Variants in FYB1 observed in about 807,000 individuals in gnomAD.
FYB1 encodes the protein FYN binding protein 1.
FYB1 carries 41 observed loss-of-function variants against 94.1 expected under a neutral mutation model. That is an observed-to-expected ratio of 0.44 (90% CI 0.34 to 0.57). The LOEUF (loss-of-function observed/expected upper bound fraction) is 0.57. Ranked by LOEUF, FYB1 falls within the 20% of genes least tolerant of loss-of-function variation. The probability of loss-of-function intolerance (pLI) is 0.02; values close to 1 mark genes in which losing one functional copy is unlikely to be tolerated. For missense variants in FYB1, 1,050 were observed against 976.8 expected (o/e 1.07, Z -1.00); for synonymous variants, 367 against 353.2 (o/e 1.04, Z -0.44).
chr5:39,219,392 A>T (rs1291200850), intron 1 of FYB1, 51 bp downstream of exon 1: 3 of 978,678 alleles, frequency 3.1e-6, no homozygotes, highest in Non-Finnish European at 2.4e-6. Context: ...TTTTCCTGCT[A>T]TAAAAAATTA....
intron 1 of FYB1, among the ~76,000 whole-genome samples, chr5:39,226,860 C>T (rs1354712219): frequency 2.6e-5 from 4 of 152,180 alleles, no homozygotes; most frequent in African/African-American, 9.7e-5. Context: ...GAGTTTAGTG[C>T]AGCATCAGGT....
At chr5:39,252,354 T>A (rs976939134) in intron 1 of FYB1, among the ~76,000 whole-genome samples, 1 of 152,192 alleles carries the variant, frequency 6.6e-6, no homozygotes, top group Non-Finnish European at 1.5e-5. Flanking sequence ...ATGATAATTA[T>A]GCAAAATGCA....
intron 2 of FYB1, among the ~76,000 whole-genome samples, chr5:39,192,401 T>C (rs549795890): frequency 6.6e-6 from 1 of 152,346 alleles, no homozygotes; most frequent in South Asian, 2.1e-4. Flanking sequence ...TATTTGAGGG[T>C]AATGTATTTC....
At chr5:39,258,977 C>T (rs1472292426) in intron 1 of FYB1, among the ~76,000 whole-genome samples, 1 of 152,040 alleles carries the variant, frequency 6.6e-6, no homozygotes, top group Non-Finnish European at 1.5e-5. Context: ...CATGCTTTTC[C>T]CTCCTCAGCA....
intron 16 of FYB1, among the ~76,000 whole-genome samples, chr5:39,118,415 G>T (rs907250798): frequency 1.3e-5 from 2 of 152,078 alleles, no homozygotes; most frequent in African/African-American, 4.8e-5. Context: ...TTAAAAGCAG[G>T]CCAGAGCAAG....
chr5:39,252,061 C>T (rs1751735414), intron 1 of FYB1, among the ~76,000 whole-genome samples: 1 of 152,046 alleles, frequency 6.6e-6, no homozygotes, highest in Admixed American at 6.6e-5. Context: ...AGGAGAATGG[C>T]GTGAACACGG....
chr5:39,139,253 C>T lies in FYB1; in HGVS notation c.1340-1G>A. The T allele has an allele frequency of 1.4e-6, 2 of 1,454,734 alleles. No individual in the cohort carries two copies. The highest frequency in any genetic ancestry group is 1.9e-6 in the Non-Finnish European group (2 of 1,076,764). 90.1% of individuals were successfully genotyped at this position (1,454,734 alleles called of 1,614,324 possible). On this transcript the variant is annotated splice_acceptor_variant, in intron 4 of 18. Transcript: ENST00000512982. LOFTEE classifies it high-confidence loss of function. ...CTGACCTCATCTAGATTTCCAGCAC[C>T]TAAAAGATTAAAAAAATAAAATTTA... is the stretch of plus-strand genomic sequence containing the variant.
chr5:39,153,699 T>C lies in FYB1; in HGVS notation c.1136-95A>G, dbSNP rs2150360058. 4.1e-6 allele frequency: 5 copies of C among 1,212,078 alleles called. 1 individual carries two copies. In the South Asian group the frequency reaches 7.8e-5, roughly 19 times the overall value. 75.1% of individuals were successfully genotyped at this position (1,212,078 alleles called of 1,614,324 possible). A position where few individuals can be genotyped will look rare whatever the true frequency, so the allele number is the denominator to read the frequency against. ...ATAGTTGGCTACAGATAAAATAATT[T>C]GGCAAAAATTAACAACTGGCTATAT... On this transcript the variant is annotated intron_variant, in intron 2 of 18. Transcript: ENST00000512982.
chr5:39,249,085 T>A (rs1316235556), intron 1 of FYB1, among the ~76,000 whole-genome samples: 3 of 152,198 alleles, frequency 2.0e-5, no homozygotes, highest in African/African-American at 7.2e-5. Context: ...CAGACACACA[T>A]GACTTCTCCT....
chr5:39,109,975 T>C (rs1280949275), intron 17 of FYB1, among the ~76,000 whole-genome samples: 2 of 152,134 alleles, frequency 1.3e-5, no homozygotes, highest in Non-Finnish European at 2.9e-5. Flanking sequence ...GCACCTACTA[T>C]GAAGTCACTA....
intron 1 of FYB1, among the ~76,000 whole-genome samples, chr5:39,225,824 C>G (rs1001563630): frequency 3.9e-5 from 6 of 152,142 alleles, no homozygotes; most frequent in Non-Finnish European, 5.9e-5. Context: ...AATCATTGCA[C>G]TAGAAGTAGG....
chr5:39,217,958 C>G (rs1370733997), intron 1 of FYB1, among the ~76,000 whole-genome samples: 3 of 152,224 alleles, frequency 2.0e-5, no homozygotes, highest in African/African-American at 7.2e-5. Flanking sequence ...ACTCTTTAGA[C>G]CACTAGATGT....
chr5:39,273,121 C>T (rs1477997262), intron 1 of FYB1, among the ~76,000 whole-genome samples: 2 of 152,168 alleles, frequency 1.3e-5, no homozygotes, highest in Non-Finnish European at 2.9e-5. Context: ...TCTGCCCGGC[C>T]ACCACCCCGT....
chr5:39,153,927 C>CA (rs956593454), intron 2 of FYB1, among the ~76,000 whole-genome samples: 13 of 151,998 alleles, frequency 8.6e-5, no homozygotes, highest in African/African-American at 3.1e-4. Context: ...GCGTGCACCA[C>CA]AATGCCCATC....
intron 1 of FYB1, among the ~76,000 whole-genome samples, chr5:39,216,546 A>T (rs1397806708): frequency 5.9e-5 from 9 of 152,064 alleles, no homozygotes; most frequent in Admixed American, 5.9e-4. Flanking sequence ...GCTATTTATC[A>T]TGATGCTCTC....
intron 1 of FYB1, among the ~76,000 whole-genome samples, chr5:39,252,870 G>A (rs1411384476): frequency 6.6e-6 from 1 of 152,248 alleles, no homozygotes; most frequent in East Asian, 1.9e-4. Context: ...ACCTCATCCA[G>A]GGTTGCTGCA....
At chr5:39,154,177 T>G (rs1743534679) in intron 2 of FYB1, among the ~76,000 whole-genome samples, 1 of 152,192 alleles carries the variant, frequency 6.6e-6, no homozygotes, top group African/African-American at 2.4e-5. Flanking sequence ...TGTTAAACAT[T>G]TATCATCAGC....
intron 2 of FYB1, among the ~76,000 whole-genome samples, chr5:39,154,245 A>G (rs1378047391): frequency 6.6e-6 from 1 of 152,194 alleles, no homozygotes; most frequent in Admixed American, 6.5e-5. Context: ...AGTGACTAGA[A>G]TCAGTTGTTT....
chr5:39,234,892 G>C (rs1750892313), intron 1 of FYB1, among the ~76,000 whole-genome samples: 1 of 152,036 alleles, frequency 6.6e-6, no homozygotes, highest in African/African-American at 2.4e-5. Flanking sequence ...GCCTGTCAGG[G>C]GGTCGGGGGC....
Sources: gnomAD v4.1 joint callset for allele counts (sites outside exome capture counted in the v4.1 genomes callset) on GRCh38, gnomAD v4.1.1 for gene constraint, MANE v1.5 for transcripts, NCBI Gene and HGNC (gene_info 2026-07-23, HGNC 2026-07-21) for gene names.